The following CDYL2 variants were observed in gnomAD, a reference collection of about 807,000 sequenced individuals.
CDYL2 encodes chromodomain Y like 2, also known as chromodomain Y-like protein 2.
CDYL2 carries 23 observed loss-of-function variants against 49.4 expected under a neutral mutation model. The observed-to-expected ratio is 0.47, with a 90% CI of 0.34 to 0.66. The LOEUF (loss-of-function observed/expected upper bound fraction) is 0.66, where lower values mean the gene tolerates loss of function less well. Ranked by LOEUF, CDYL2 falls within the 30% of genes least tolerant of loss-of-function variation. The pLI is 0.01. For missense variants in CDYL2, 678 were observed against 656.4 expected (o/e 1.03, Z -0.36); for synonymous variants, 360 against 268.8 (o/e 1.34, Z -3.32).
At position 80,669,154 on chromosome 16, in the gene CDYL2, C is replaced by A. The variant is rs1183226226; in HGVS notation, c.616+15384G>T. On this transcript the variant is annotated intron_variant, in intron 2 of 6. Coordinates refer to ENST00000570137, the MANE Select transcript of CDYL2 (RefSeq NM_152342.4). ...AAAGATTTTTTTTTAAGTATTAACA[C>A]AAGCAAAAGTAAAGGAGAAGAGTCA... 2.0e-5 allele frequency among the ~76,000 whole-genome samples: 3 copies of A among 151,508 alleles called. 1 individual carries two copies. The highest frequency in any genetic ancestry group is 4.2e-4 in the South Asian group (2 of 4,790).
chr16:80,655,278 C>T (rs566597017), intron 2 of CDYL2, among the ~76,000 whole-genome samples: 3 of 152,206 alleles, frequency 2.0e-5, no homozygotes, highest in Non-Finnish European at 4.4e-5. Context: ...TGGAGCCAGC[C>T]ATCTCCTCAT....
intron 1 of CDYL2, among the ~76,000 whole-genome samples, chr16:80,685,755 G>C (rs1597173446): frequency 6.6e-6 from 1 of 152,202 alleles, no homozygotes; most frequent in East Asian, 1.9e-4. Flanking sequence ...AGGGCTCAGA[G>C]AGACCAAGTA....
intron 1 of CDYL2, among the ~76,000 whole-genome samples, chr16:80,772,075 C>T (rs1906923540): frequency 6.6e-6 from 1 of 152,048 alleles, no homozygotes; most frequent in Non-Finnish European, 1.5e-5. Flanking sequence ...AGCCAGAAGA[C>T]AATGGAATGT....
intron 6 of CDYL2, among the ~76,000 whole-genome samples, 160 bp downstream of exon 6, chr16:80,607,932 T>A (rs986880418): frequency 6.6e-6 from 1 of 152,248 alleles, no homozygotes; most frequent in Non-Finnish European, 1.5e-5. Context: ...TGATTGAAGC[T>A]GTCAATACTG....
Position 80,685,317 on chromosome 16 carries a change from G to A in CDYL2, c.25-188C>T, listed in dbSNP as rs113601938. Among the ~76,000 whole-genome samples the A allele has an allele frequency of 1.8e-4, 27 of 152,276 alleles. No homozygotes were observed. In the East Asian group the frequency reaches 1.9e-3, roughly 11 times the overall value. On this transcript the variant is annotated intron_variant, in intron 1 of 6. Transcript: ENST00000570137. ...GTTCAAGAAGGCTGGTTTATTTTAC[G>A]ACATCACTGGATGGAACCTAAGGCA...
intron 1 of CDYL2, among the ~76,000 whole-genome samples, chr16:80,768,662 C>T (rs939056550): frequency 6.6e-6 from 1 of 152,166 alleles, no homozygotes; most frequent in African/African-American, 2.4e-5. Context: ...AGGATTTCAA[C>T]ATATAAATTT....
chr16:80,737,325 G>A (rs1194741109), intron 1 of CDYL2, among the ~76,000 whole-genome samples: 2 of 152,154 alleles, frequency 1.3e-5, no homozygotes, highest in Non-Finnish European at 2.9e-5. Context: ...TGTGCTAAGT[G>A]CCTTACAGGT....
intron 1 of CDYL2, among the ~76,000 whole-genome samples, chr16:80,740,116 C>T (rs757064630): frequency 6.6e-6 from 1 of 152,142 alleles, no homozygotes; most frequent in Non-Finnish European, 1.5e-5. Context: ...CTGACTAAAT[C>T]GGGCAGGATT....
chr16:80,762,751 T>C (rs1463722761), intron 1 of CDYL2, among the ~76,000 whole-genome samples: 2 of 152,116 alleles, frequency 1.3e-5, no homozygotes, highest in Non-Finnish European at 2.9e-5. Context: ...CCAGCTGAGG[T>C]GAAGCAAGGT....
intron 2 of CDYL2, among the ~76,000 whole-genome samples, chr16:80,643,707 G>A (rs1207200034): frequency 1.3e-5 from 2 of 152,210 alleles, no homozygotes; most frequent in African/African-American, 4.8e-5. Context: ...CTGAAGCCAT[G>A]GCCCAAGCTG....
intron 1 of CDYL2, among the ~76,000 whole-genome samples, chr16:80,751,515 A>T (rs1004835460): frequency 6.6e-6 from 1 of 152,208 alleles, no homozygotes; most frequent in Non-Finnish European, 1.5e-5. Flanking sequence ...GAGAAGACAA[A>T]AGTTGTAGCA....
intron 1 of CDYL2, among the ~76,000 whole-genome samples, chr16:80,711,172 T>C (rs1904582707): frequency 6.6e-6 from 1 of 152,074 alleles, no homozygotes; most frequent in Non-Finnish European, 1.5e-5. Context: ...GAAAACCAGG[T>C]GGGAGGATTT....
intron 1 of CDYL2, among the ~76,000 whole-genome samples, chr16:80,712,089 G>GTATA (rs1255096295): frequency 1.4e-5 from 2 of 147,372 alleles, no homozygotes; most frequent in African/African-American, 5.1e-5. Context: ...AGATGTGTGT[G>GTATA]TATATATATG....
rs1906150621 is a variant in CDYL2 at position 80,602,807 on chromosome 16, CCTGAGAAT to C, written c.*1573_*1580del. 6.6e-6 allele frequency: 1 copy of C among 152,236 alleles called. No homozygotes were observed. The highest frequency in any genetic ancestry group is 2.4e-5 in the African/African-American group (1 of 41,450). 9.4% of individuals were successfully genotyped at this position (152,236 alleles called of 1,614,324 possible). On this transcript the variant is annotated 3_prime_UTR_variant, in exon 7 of 7. Coordinates refer to ENST00000570137, the MANE Select transcript of CDYL2 (RefSeq NM_152342.4). ...TAGAAACGGAAAAAAATCCCTCCAT[CCTGAGAAT>C]CTGAGAATCTAGCTTTTTCTGGGTG...
chr16:80,604,246 A>C lies in CDYL2; in HGVS notation c.*142T>G. 2 of 926,452 alleles carry C rather than the reference A, an allele frequency of 2.2e-6. No individual in the cohort carries two copies. Among genetic ancestry groups the C allele is most frequent in the Non-Finnish European group, 3.3e-6 (2 of 611,482 alleles). 57.4% of individuals were successfully genotyped at this position (926,452 alleles called of 1,614,324 possible). A position where few individuals can be genotyped will look rare whatever the true frequency, so the allele number is the denominator to read the frequency against. ...ACACAAAATCAAACCAAGGAGGAGC[A>C]ACCAAAGGACACGAGGAAATGGACA... On this transcript the variant is annotated 3_prime_UTR_variant, in exon 7 of 7. Transcript: ENST00000570137.
chr16:80,716,080 T>A (rs1199128234), intron 1 of CDYL2, among the ~76,000 whole-genome samples: 2 of 152,238 alleles, frequency 1.3e-5, no homozygotes, highest in Non-Finnish European at 2.9e-5. Context: ...GGATGAAAAG[T>A]CAGTCCATGC....
chr16:80,795,379 A>G (rs998685770), intron 1 of CDYL2, among the ~76,000 whole-genome samples: 3 of 152,198 alleles, frequency 2.0e-5, no homozygotes, highest in Admixed American at 6.5e-5. Flanking sequence ...GGTGGCCTTT[A>G]TAAGAGAAAC....
At chr16:80,607,140 C>A (rs976390127) in intron 6 of CDYL2, among the ~76,000 whole-genome samples, 8 of 152,128 alleles carry the variant, frequency 5.3e-5, no homozygotes, top group African/African-American at 1.9e-4. Context: ...ATGCTCGTGG[C>A]CCGCGTGAGT....
intron 2 of CDYL2, among the ~76,000 whole-genome samples, chr16:80,679,902 G>A (rs1422656505): frequency 6.6e-6 from 1 of 152,182 alleles, no homozygotes; most frequent in Non-Finnish European, 1.5e-5. Context: ...AAATCAGAAT[G>A]CTGAAGGTAC....
Sources: gnomAD v4.1 joint callset for allele counts (sites outside exome capture counted in the v4.1 genomes callset) on GRCh38, gnomAD v4.1.1 for gene constraint, MANE v1.5 for transcripts, NCBI Gene and HGNC (gene_info 2026-07-23, HGNC 2026-07-21) for gene names.